The following CHRNA10 variants were observed in gnomAD, a reference collection of about 807,000 sequenced individuals.
CHRNA10 encodes the protein neuronal acetylcholine receptor subunit alpha-10.
CHRNA10 carries 31 observed loss-of-function variants against 36.0 expected under a neutral mutation model. The observed-to-expected ratio is 0.86, with a 90% CI of 0.65 to 1.16. The LOEUF is 1.16. Ranked by LOEUF, CHRNA10 falls within the 50% of genes most tolerant of loss-of-function variation. The probability of loss-of-function intolerance (pLI) is 0.00; values close to 1 mark genes in which losing one functional copy is unlikely to be tolerated. For missense variants in CHRNA10, 648 were observed against 640.9 expected (o/e 1.01, Z -0.12); for synonymous variants, 302 against 287.0 (o/e 1.05, Z -0.53).
rs1387744306 is a variant in CHRNA10 at position 3,669,808 on chromosome 11, C to G, written c.195G>C (p.Gln65His). Residue 65 changes from glutamine to histidine, a missense_variant, in exon 2 of 5, where the codon CAG becomes CAC. Gln to His is a conservative substitution (Grantham distance 24, BLOSUM62 0). Coordinates refer to ENST00000250699, the MANE Select transcript of CHRNA10 (RefSeq NM_020402.4). ...CACCACAACGCACCATGTCGATGAT[C>G]TGGGACAGTGTCACCTCCAGGGTCA... The part of the protein sequence containing the change: ...LNVTLEVTLS[Q>H]IIDMDERNQV... 5.0e-6 allele frequency: 8 copies of G among 1,614,208 alleles called. No homozygotes were observed. The highest frequency in any genetic ancestry group is 5.9e-6 in the Non-Finnish European group (7 of 1,180,032).
chr11:3,666,782 G>A (rs563195371), intron 4 of CHRNA10, among the ~76,000 whole-genome samples: 16 of 152,208 alleles, frequency 1.1e-4, no homozygotes, highest in South Asian at 2.1e-4. Flanking sequence ...AATTGCTCCC[G>A]TCACTGCTGG....
Position 3,666,116 on chromosome 11 carries a change from C to T in CHRNA10, c.1344G>A (p.Gln448=), listed in dbSNP as rs539012366. 8 of 1,553,788 alleles carry T rather than the reference C, an allele frequency of 5.1e-6. No homozygotes were observed. The highest frequency in any genetic ancestry group is 3.7e-5 in the South Asian group (3 of 80,314). ...ALVMSLLVLV[Q]AL ...GACTTAGTCCCAGCCCTCACAGGGC[C>T]TGCACCAGCACCAGGAGGCTCATGA... The change falls in exon 5 of 5, where the codon CAG becomes CAA. Residue 448 remains glutamine (Q), a synonymous_variant. Transcript: ENST00000250699.
At position 3,667,222 on chromosome 11, in the gene CHRNA10, C is replaced by G. The variant is rs925139829; in HGVS notation, c.895+10G>C. 5.8e-6 allele frequency: 9 copies of G among 1,559,234 alleles called. No homozygotes were observed. In the African/African-American group the frequency reaches 1.2e-4, roughly 21 times the overall value. On this transcript the variant is annotated intron_variant, in intron 4 of 4. Coordinates refer to ENST00000250699, the MANE Select transcript of CHRNA10 (RefSeq NM_020402.4). ...GCATCGTCAGGTCCCCCCGCGCCCC[C>G]GCTGCTCACCGATGAGCGGCACGCT...
chr11:3,667,151 C>T lies in CHRNA10; in HGVS notation c.895+81G>A. 3.5e-6 allele frequency: 5 copies of T among 1,438,916 alleles called. No homozygotes were observed. In the Admixed American group the frequency reaches 8.2e-5, roughly 24 times the overall value. 89.1% of individuals were successfully genotyped at this position (1,438,916 alleles called of 1,614,324 possible). ...CTCACTTTCTGCAGTGGGGCCGTTC[C>T]GCAGACCCAGGCCCTGTCGCGGCCC... On this transcript the variant is annotated intron_variant, in intron 4 of 4. Transcript: ENST00000250699.
In CHRNA10 at chr11:3,669,294, A is replaced by G; in HGVS notation, c.264T>C (p.Asp88=). The G allele has an allele frequency of 6.2e-7, 1 of 1,614,086 alleles. No individual in the cohort carries two copies. Among genetic ancestry groups the G allele is most frequent in the Non-Finnish European group, 8.5e-7 (1 of 1,179,976 alleles). The change falls in exon 3 of 5, where the codon GAT becomes GAC. Residue 88 remains aspartate, a synonymous_variant. Coordinates refer to ENST00000250699, the MANE Select transcript of CHRNA10 (RefSeq NM_020402.4). The part of the protein sequence containing the change: ...LYLWIRQEWT[D]AYLRWDPNAY... ...CATTGGGGTCCCATCGTAGGTAGGC[A>G]TCTGTCCACTCCTGCCGTATCCACA...
chr11:3,669,603 T>C, intron 2 of CHRNA10, 193 bp downstream of exon 2: 1 of 802,050 alleles, frequency 1.2e-6, no homozygotes, highest in Non-Finnish European at 2.1e-6. Flanking sequence ...GTGAACAAAA[T>C]ATTGGGCACG....
Position 3,666,092 on chromosome 11 carries a change from A to C in CHRNA10, c.*15T>G. 2.0e-6 allele frequency: 3 copies of C among 1,520,748 alleles called. No individual in the cohort carries two copies. Among genetic ancestry groups the C allele is most frequent in the Non-Finnish European group, 2.6e-6 (3 of 1,135,378 alleles). 94.2% of individuals were successfully genotyped at this position (1,520,748 alleles called of 1,614,324 possible). On this transcript the variant is annotated 3_prime_UTR_variant, in exon 5 of 5. Transcript: ENST00000250699. ...GCTGTGGCTGCAGCAGATCCCTGTGACTTAGTCCCAGCCCTCACAGGGCCT... is the reference window on the plus strand; with the variant it reads ...GCTGTGGCTGCAGCAGATCCCTGTGCCTTAGTCCCAGCCCTCACAGGGCCT...
Position 3,667,682 on chromosome 11 carries a change from T to C in CHRNA10, c.445A>G (p.Ile149Val). 6.4e-7 allele frequency: 1 copy of C among 1,568,890 alleles called. No homozygotes were observed. The highest frequency in any genetic ancestry group is 8.6e-7 in the Non-Finnish European group (1 of 1,163,348). The part of the protein sequence containing the change: ...DGAVRWDAPA[I>V]TRSSCRVDVA... ...TCCACGCGGCACGAGCTGCGCGTGA[T>C]GGCCGGCGCGTCCCAGCGCACGGCG... The change falls in exon 4 of 5, where the codon ATC becomes GTC. Residue 149 changes from isoleucine to valine, a missense_variant. Coordinates refer to ENST00000250699, the MANE Select transcript of CHRNA10 (RefSeq NM_020402.4).
chr11:3,666,634 C>T, intron 4 of CHRNA10, 70 bp from the exon 5 acceptor site: 1 of 1,219,048 alleles, frequency 8.2e-7, no homozygotes, highest in Non-Finnish European at 1.1e-6. Context: ...CCAGCCACCT[C>T]TGCACAAATG....
At position 3,669,800 on chromosome 11, in the gene CHRNA10, T is replaced by A. The variant is rs1437464740; in HGVS notation, c.203A>T (p.Asp68Val). The change falls in exon 2 of 5, where the codon GAC becomes GTC. Residue 68 changes from aspartate to valine, a missense_variant. Coordinates refer to ENST00000250699, the MANE Select transcript of CHRNA10 (RefSeq NM_020402.4). ...TGTACCACCACCACAACGCACCATG[T>A]CGATGATCTGGGACAGTGTCACCTC... ...TLEVTLSQII[D>V]MDERNQVLTL... 1 of 1,614,198 alleles carries A rather than the reference T, an allele frequency of 6.2e-7. No homozygotes were observed.
chr11:3,669,171 G>C (rs1445473790), intron 3 of CHRNA10, 25 bp downstream of exon 3: 3 of 1,603,362 alleles, frequency 1.9e-6, no homozygotes, highest in African/African-American at 1.3e-5. Context: ...GGGTAAGAGA[G>C]AGGAGGGGCC....
chr11:3,667,745 C>A lies in CHRNA10; in HGVS notation c.382G>T (p.Gly128Cys). Residue 128 changes from glycine (G) to cysteine (C), a missense_variant, in exon 4 of 5, where the codon GGT becomes TGT. Gly to Cys is a radical substitution (Grantham distance 159). Coordinates refer to ENST00000250699, the MANE Select transcript of CHRNA10 (RefSeq NM_020402.4). ...AGGACCACGTTGGTGCTGGCGGAAC[C>A]TGGAGGCTGCGCGTCGGCTCTGGGG... ...LYNKADAQPPGSASTNVVLRH... is the reference protein window; with the variant it reads ...LYNKADAQPPCSASTNVVLRH... The A allele has an allele frequency of 6.4e-7, 1 of 1,552,306 alleles. No homozygotes were observed. Among genetic ancestry groups the A allele is most frequent in the Non-Finnish European group, 8.6e-7 (1 of 1,156,960 alleles).
Position 3,665,985 on chromosome 11 carries a change from C to T in CHRNA10, c.*122G>A. On this transcript the variant is annotated 3_prime_UTR_variant, in exon 5 of 5. Coordinates refer to ENST00000250699, the MANE Select transcript of CHRNA10 (RefSeq NM_020402.4). ...TTGTGGATTGTGAAGTCAAGTGTCTCAGGATCTTAGGAGCAGTGGGGAGAG... is the reference window on the plus strand; with the variant it reads ...TTGTGGATTGTGAAGTCAAGTGTCTTAGGATCTTAGGAGCAGTGGGGAGAG... 1 of 803,012 alleles carries T rather than the reference C, an allele frequency of 1.2e-6. No homozygotes were observed. The highest frequency in any genetic ancestry group is 1.9e-6 in the Non-Finnish European group (1 of 523,068). 49.7% of individuals were successfully genotyped at this position (803,012 alleles called of 1,614,324 possible).
chr11:3,670,301 C>T (rs1406574825), intron 1 of CHRNA10, among the ~76,000 whole-genome samples: 1 of 152,196 alleles, frequency 6.6e-6, no homozygotes, highest in Non-Finnish European at 1.5e-5. Flanking sequence ...TCTGCCCCCT[C>T]CAGTATCTCT....
chr11:3,666,207 T>A lies in CHRNA10; in HGVS notation c.1253A>T (p.Asp418Val). 6.2e-7 allele frequency: 1 copy of A among 1,613,996 alleles called. No individual in the cohort carries two copies. The highest frequency in any genetic ancestry group is 2.2e-5 in the East Asian group (1 of 44,882). The change falls in exon 5 of 5, where the codon GAC becomes GTC. Residue 418 changes from aspartate to valine, a missense_variant. Physicochemically the swap from Asp to Val is radical, Grantham distance 152. Transcript: ENST00000250699. ...SHRAAQRCHE[D>V]WKRLARVMDR... is the part of the protein sequence containing the mutation. ...CATCACACGGGCCAGGCGCTTCCAG[T>A]CCTCATGGCAGCGCTGGGCAGCTCG...
At chr11:3,666,831 CAAAT>C (rs551170637) in intron 4 of CHRNA10, among the ~76,000 whole-genome samples, 90 of 152,292 alleles carry the variant, frequency 5.9e-4, no homozygotes, top group Middle Eastern at 3.4e-3. Flanking sequence ...GTCCCGCTCT[CAAAT>C]AACGACGGGC....
In CHRNA10 at chr11:3,667,292, T is replaced by G. The variant is rs1445423960; in HGVS notation, c.835A>C (p.Thr279Pro). The change falls in exon 4 of 5, where the codon ACC becomes CCC. Residue 279 changes from threonine (T) to proline (P), a missense_variant. Thr to Pro is a conservative substitution (Grantham distance 38, BLOSUM62 -1). Coordinates refer to ENST00000250699, the MANE Select transcript of CHRNA10 (RefSeq NM_020402.4). ...TCGGCCAGCAGCAACTGGAAGACGG[T>G]GAGCGCCAGCAGCACGGTGACGCCC... ...SLGVTVLLAL[T>P]VFQLLLAESM... The G allele has an allele frequency of 1.3e-6, 2 of 1,598,394 alleles. No individual in the cohort carries two copies. The highest frequency in any genetic ancestry group is 1.7e-6 in the Non-Finnish European group (2 of 1,178,572).
chr11:3,666,240 C>T lies in CHRNA10; in HGVS notation c.1220G>A (p.Arg407His), dbSNP rs146888913. ...GCAGCGCTGGGCAGCTCGGTGGCTG[C>T]GGAAGGTATTGGCAATGGTGGCTAC... is the stretch of plus-strand genomic sequence containing the variant. ...HHVATIANTF[R>H]SHRAAQRCHE... The change falls in exon 5 of 5, where the codon CGC (arginine) becomes CAC (histidine). Residue 407 changes from arginine to histidine, a missense_variant. By Grantham distance (29) the Arg-to-His change is conservative. Transcript: ENST00000250699. 2.7e-4 allele frequency: 438 copies of T among 1,614,098 alleles called. No individual in the cohort carries two copies. Among genetic ancestry groups the T allele is most frequent in the African/African-American group, 1.0e-3 (75 of 75,072 alleles).
chr11:3,666,325 G>T lies in CHRNA10; in HGVS notation c.1135C>A (p.Pro379Thr). 2.5e-6 allele frequency: 4 copies of T among 1,613,328 alleles called. No individual in the cohort carries two copies. Among genetic ancestry groups the T allele is most frequent in the Non-Finnish European group, 3.4e-6 (4 of 1,179,802 alleles). ...CGTGGCTCGTGGCAAGGGCCCGCTG[G>T]GGGGCCAGCCCCTCCTTCAGGCGAC... The part of the protein sequence containing the change: ...PQSPEGGAGP[P>T]AGPCHEPRCL... Residue 379 changes from proline to threonine, a missense_variant, in exon 5 of 5, where the codon CCA becomes ACA. Physicochemically the swap from Pro to Thr is conservative, Grantham distance 38. Transcript: ENST00000250699.
Sources: gnomAD v4.1 joint callset for allele counts (sites outside exome capture counted in the v4.1 genomes callset) on GRCh38, gnomAD v4.1.1 for gene constraint, MANE v1.5 for transcripts, NCBI Gene and HGNC (gene_info 2026-07-23, HGNC 2026-07-21) for gene names.